The following COPS9 variants were observed in gnomAD, a reference collection of about 807,000 sequenced individuals.
COPS9 encodes COP9 signalosome subunit 9, also known as COP9 signalosome complex subunit 9.
COPS9 carries 8 observed loss-of-function variants against 7.2 expected under a neutral mutation model. The observed-to-expected ratio is 1.11, with a 90% confidence interval of 0.65 to 2.00. The LOEUF (loss-of-function observed/expected upper bound fraction) is 2.00, where lower values mean the gene tolerates loss of function less well. Ranked by LOEUF, COPS9 falls within the 30% of genes most tolerant of loss-of-function variation. The pLI is 0.00. For synonymous variants in COPS9, 39 were observed against 28.7 expected (o/e 1.36, Z -1.14); for missense variants, 74 against 77.7 (o/e 0.95, Z 0.18).
At chr2:240,131,169 A>G in intron 2 of COPS9, 81 bp from the exon 3 acceptor site, 4 of 1,410,766 alleles carry the variant, frequency 2.8e-6, no homozygotes, top group Non-Finnish European at 3.9e-6. Flanking sequence ...ATTATATAGT[A>G]GTCCAAAATA....
At chr2:240,131,888 A>C (rs62187094) in intron 2 of COPS9, among the ~76,000 whole-genome samples, 100,491 of 151,450 alleles carry the variant, frequency 0.66, 35,053 homozygotes, top group African/African-American at 0.89. Flanking sequence ...GAGCGAAGAG[A>C]AAGGGGCCTG....
chr2:240,133,522 C>T (rs892649899), intron 2 of COPS9, among the ~76,000 whole-genome samples: 1 of 152,200 alleles, frequency 6.6e-6, no homozygotes, highest in African/African-American at 2.4e-5. Context: ...AGAACCCAGG[C>T]AGGCAAACAC....
At chr2:240,135,661 C>G (rs560561510) in intron 1 of COPS9, among the ~76,000 whole-genome samples, 1 of 152,302 alleles carries the variant, frequency 6.6e-6, no homozygotes, top group South Asian at 2.1e-4. Flanking sequence ...AAAAGAAGAA[C>G]GAGGCCACTA....
At chr2:240,129,363 G>A (rs951042458), downstream of COPS9, among the ~76,000 whole-genome samples, 4 of 152,092 alleles carry the variant, frequency 2.6e-5, no homozygotes, top group East Asian at 7.7e-4. Context: ...GGGGGGTCTC[G>A]TTCTGTTGCC....
At chr2:240,135,336 CAAAGCCCTGAGG>C (rs2071965356) in intron 1 of COPS9, among the ~76,000 whole-genome samples, 1 of 152,216 alleles carries the variant, frequency 6.6e-6, no homozygotes, top group African/African-American at 2.4e-5. Context: ...TGAGCCCCCT[CAAAGCCCTGAGG>C]GTCCATCCGT....
chr2:240,131,983 A>C (rs2106555997), intron 2 of COPS9, among the ~76,000 whole-genome samples: 1 of 152,276 alleles, frequency 6.6e-6, no homozygotes, highest in Non-Finnish European at 1.5e-5. Flanking sequence ...GACGCTCCCC[A>C]GCCACACTGA....
chr2:240,130,706 A>G (rs1271366854), downstream of COPS9: 1 of 898,852 alleles, frequency 1.1e-6, no homozygotes, highest in African/African-American at 1.8e-5. Context: ...CTGCTACCAG[A>G]CAAATGTGGT....
chr2:240,127,955 C>G (rs1267928909), downstream of COPS9, among the ~76,000 whole-genome samples: 2 of 152,112 alleles, frequency 1.3e-5, no homozygotes, highest in Admixed American at 1.3e-4. Flanking sequence ...TCAAAAATCA[C>G]CCAGGAACCA....
rs988846958 is a variant in COPS9, at chr2:240,132,896, A to G, written c.136+1037T>C. On this transcript the variant is annotated intron_variant, in intron 2 of 2. Transcript: ENST00000607357. This position sits in a 1 kb window ranked among gnomAD's most constrained non-coding sequence, Gnocchi z 4.1. ...GGCATAAAGAATTGAAATAAATGCT[A>G]TTCAGTTCTCCAGGCTCATCTCAAA... 2.0e-5 allele frequency among the ~76,000 whole-genome samples: 3 copies of G among 152,240 alleles called. No homozygotes were observed. The highest frequency in any genetic ancestry group is 2.0e-4 in the Admixed American group (3 of 15,276).
At chr2:240,130,696 C>T, downstream of COPS9, 1 of 809,088 alleles carries the variant, frequency 1.2e-6, no homozygotes, top group Non-Finnish European at 1.6e-6. Context: ...CACAAGGTAT[C>T]TGCTACCAGA....
At chr2:240,126,948 G>A (rs2071872590), downstream of COPS9, 2 of 1,608,022 alleles carry the variant, frequency 1.2e-6, no homozygotes, top group Admixed American at 1.7e-5. Context: ...TCTCTGGGGA[G>A]AGACAAGGAA....
At chr2:240,129,956 G>A (rs762737134), downstream of COPS9, 45 of 1,613,848 alleles carry the variant, frequency 2.8e-5, no homozygotes, top group East Asian at 6.7e-5. Flanking sequence ...CACGGACCCC[G>A]TGCTCCGACT....
rs766710724 is a variant in COPS9, at chr2:240,133,947, G to A, written c.122C>T (p.Ala41Val). The change falls in exon 2 of 3, where the codon GCA (alanine) becomes GTA (valine). Residue 41 changes from alanine to valine, a missense_variant. Transcript: ENST00000607357. ...DLAANEKAVH[A>V]DFFNDFEDLF... is the part of the protein sequence containing the mutation. ...AGCATCCTTACCGTTAAAAAAGTCTGCATGAACGGCCTTTTCATTGGCTGC... is the reference window on the plus strand; with the variant it reads ...AGCATCCTTACCGTTAAAAAAGTCTACATGAACGGCCTTTTCATTGGCTGC... 156 of 1,614,018 alleles carry A rather than the reference G, an allele frequency of 9.7e-5. No individual in the cohort carries two copies. In the South Asian group the frequency reaches 1.6e-3, roughly 17 times the overall value.
At chr2:240,135,054 G>A (rs1370638545) in intron 1 of COPS9, among the ~76,000 whole-genome samples, 2 of 152,110 alleles carry the variant, frequency 1.3e-5, no homozygotes, top group East Asian at 3.9e-4. Flanking sequence ...TGCTTCGGGA[G>A]CGGGGTGCAC....
chr2:240,127,006 G>C (rs920291747), downstream of COPS9: 23 of 1,563,612 alleles, frequency 1.5e-5, no homozygotes, highest in African/African-American at 2.4e-4. Context: ...CTGGAATTCC[G>C]AGTGACCTGG....
chr2:240,126,752 T>C (rs903184194), downstream of COPS9: 8 of 1,614,224 alleles, frequency 5.0e-6, no homozygotes, highest in South Asian at 1.1e-5. Flanking sequence ...GCCACTTGGA[T>C]TGGTTCTTCC....
At chr2:240,128,011 T>C (rs2071884199), downstream of COPS9, among the ~76,000 whole-genome samples, 1 of 152,188 alleles carries the variant, frequency 6.6e-6, no homozygotes, top group African/African-American at 2.4e-5. Context: ...TTGGGACTAA[T>C]TGGAGGCAAT....
chr2:240,134,327 TCGCCAGA>T (rs1384016890), intron 1 of COPS9: 3 of 261,568 alleles, frequency 1.1e-5, no homozygotes, highest in Non-Finnish European at 1.4e-5. Context: ...TCGCCGGACA[TCGCCAGA>T]GGCCACAAAC....
chr2:240,129,893 C>T (rs1169360983), downstream of COPS9: 3 of 1,607,810 alleles, frequency 1.9e-6, no homozygotes, highest in East Asian at 4.5e-5. Flanking sequence ...GACCTTCTTA[C>T]AGAGATGCAC....
Sources: gnomAD v4.1 joint callset for allele counts (sites outside exome capture counted in the v4.1 genomes callset) on GRCh38, gnomAD v4.1.1 for gene constraint, Gnocchi (gnomAD v3.1) non-coding constraint, MANE v1.5 for transcripts, NCBI Gene and HGNC (gene_info 2026-07-23, HGNC 2026-07-21) for gene names.